The following IL1RAPL1 variants were observed in gnomAD, a reference collection of about 807,000 sequenced individuals.
IL1RAPL1 encodes interleukin 1 receptor accessory protein like 1.
A neutral mutation model predicts 48.4 loss-of-function variants in IL1RAPL1; 3 were observed. The observed-to-expected ratio is 0.06, with a 90% CI of 0.03 to 0.16. The LOEUF (loss-of-function observed/expected upper bound fraction) is 0.16, where lower values mean the gene tolerates loss of function less well. Ranked by LOEUF, IL1RAPL1 falls within the 10% of genes least tolerant of loss-of-function variation. The pLI, the probability that IL1RAPL1 is intolerant of heterozygous loss-of-function variation, is 1.00. For synonymous variants in IL1RAPL1, 185 were observed against 187.7 expected (o/e 0.99, Z 0.12); for missense variants, 349 against 530.6 (o/e 0.66, Z 3.36).
At chrX:29,254,415 G>A (rs1931719060) in intron 2 of IL1RAPL1, among the ~76,000 whole-genome samples, 1 of 110,598 alleles carries the variant, frequency 9.0e-6, no homozygotes, top group Admixed American at 9.8e-5. Flanking sequence ...ATGTATAAAT[G>A]TTTCCGTGTA....
intron 5 of IL1RAPL1, among the ~76,000 whole-genome samples, chrX:29,621,296 A>G (rs1262363491): frequency 9.0e-6 from 1 of 111,524 alleles, no homozygotes; most frequent in Non-Finnish European, 1.9e-5. Flanking sequence ...GTATATATTT[A>G]TATGCATACA....
chrX:29,247,948 T>C lies in IL1RAPL1; in HGVS notation c.83-34990T>C, dbSNP rs370665553. Among the ~76,000 whole-genome samples, 6 of 111,748 alleles carry C rather than the reference T, an allele frequency of 5.4e-5. No individual in the cohort carries two copies. In the East Asian group the frequency reaches 8.4e-4, roughly 16 times the overall value. ...GTGTTTTGGCATTTTAGACATTTAG[T>C]GGAACACACTAGGGTTCTTGACACT... On this transcript the variant is annotated intron_variant, in intron 2 of 10. Coordinates refer to ENST00000378993, the MANE Select transcript of IL1RAPL1 (RefSeq NM_014271.4).
At chrX:28,974,391 A>G (rs902328876) in intron 2 of IL1RAPL1, among the ~76,000 whole-genome samples, 9 of 112,008 alleles carry the variant, frequency 8.0e-5, no homozygotes, top group African/African-American at 2.9e-4. Context: ...CAAATAAAAA[A>G]CTTAAGGAAA....
intron 5 of IL1RAPL1, among the ~76,000 whole-genome samples, chrX:29,514,628 T>TAG (rs931555958): frequency 1.8e-5 from 2 of 112,259 alleles, no homozygotes; most frequent in African/African-American, 3.2e-5. Context: ...TTTGTGTTTT[T>TAG]AGTAGAGACA....
chrX:29,412,557 T>C (rs1934158374), intron 5 of IL1RAPL1, among the ~76,000 whole-genome samples: 1 of 112,693 alleles, frequency 8.9e-6, no homozygotes, highest in East Asian at 2.8e-4. Context: ...TTAAATAAGA[T>C]ATACTACAAA....
At chrX:29,630,774 G>A (rs746914588) in intron 5 of IL1RAPL1, among the ~76,000 whole-genome samples, 8 of 111,831 alleles carry the variant, frequency 7.2e-5, no homozygotes, top group Middle Eastern at 4.2e-3. Flanking sequence ...TCCTGACCTC[G>A]TGATCCGCCC....
At chrX:29,419,756 C>G (rs1006678736) in intron 5 of IL1RAPL1, among the ~76,000 whole-genome samples, 1 of 112,517 alleles carries the variant, frequency 8.9e-6, no homozygotes, top group African/African-American at 3.2e-5. Flanking sequence ...AGCTGTTGCT[C>G]TGTCATGTAA....
At chrX:29,102,808 A>T (rs914923159) in intron 2 of IL1RAPL1, among the ~76,000 whole-genome samples, 4 of 112,184 alleles carry the variant, frequency 3.6e-5, no homozygotes, top group African/African-American at 1.3e-4. Flanking sequence ...ACATACAAAA[A>T]TCGGTAGCAT....
intron 6 of IL1RAPL1, among the ~76,000 whole-genome samples, chrX:29,720,520 G>T (rs771258367): frequency 9.0e-6 from 1 of 110,965 alleles, no homozygotes; most frequent in African/African-American, 3.3e-5. Context: ...CCCAAACACC[G>T]CATGTTCTCA....
At chrX:29,493,466 A>G (rs1297142623) in intron 5 of IL1RAPL1, among the ~76,000 whole-genome samples, 1 of 112,248 alleles carries the variant, frequency 8.9e-6, no homozygotes, top group Non-Finnish European at 1.9e-5. Flanking sequence ...GTTAAGGAAT[A>G]TCTCTTATTT....
At chrX:28,664,319 CTTTCAA>C (rs1464776975) in intron 1 of IL1RAPL1, among the ~76,000 whole-genome samples, 1 of 111,962 alleles carries the variant, frequency 8.9e-6, no homozygotes, top group African/African-American at 3.2e-5. Flanking sequence ...AAGGAAAAGA[CTTTCAA>C]TTTCTATATT....
At chrX:28,809,169 T>C (rs1375313945) in intron 2 of IL1RAPL1, among the ~76,000 whole-genome samples, 1 of 110,199 alleles carries the variant, frequency 9.1e-6, no homozygotes, top group East Asian at 2.9e-4. Flanking sequence ...AAAGTAGATC[T>C]AGTAATTTTA....
At chrX:28,959,793 C>T (rs1265590227) in intron 2 of IL1RAPL1, among the ~76,000 whole-genome samples, 2 of 111,967 alleles carry the variant, frequency 1.8e-5, no homozygotes, top group African/African-American at 3.2e-5. Context: ...ATTTCTGAAT[C>T]ACTGATTTGA....
intron 5 of IL1RAPL1, among the ~76,000 whole-genome samples, chrX:29,580,136 CTTT>C (rs762760607): frequency 0.015 from 1,386 of 93,204 alleles, 21 homozygotes; most frequent in African/African-American, 0.051. Flanking sequence ...CTCAGAAAGT[CTTT>C]TTTTTTTTTT....
At chrX:29,288,715 A>G (rs1346823064) in intron 3 of IL1RAPL1, among the ~76,000 whole-genome samples, 2 of 112,169 alleles carry the variant, frequency 1.8e-5, no homozygotes, top group African/African-American at 6.5e-5. Flanking sequence ...TTCTGTTTCT[A>G]TATCTTTGAG....
At chrX:29,504,171 T>C (rs1403488861) in intron 5 of IL1RAPL1, among the ~76,000 whole-genome samples, 1 of 110,801 alleles carries the variant, frequency 9.0e-6, no homozygotes, top group Non-Finnish European at 1.9e-5. Flanking sequence ...TGATTTCTAG[T>C]TTTATTCCAT....
intron 8 of IL1RAPL1, among the ~76,000 whole-genome samples, chrX:29,920,819 G>A (rs931041107): frequency 7.3e-3 from 435 of 59,927 alleles, no homozygotes; most frequent in Middle Eastern, 0.019. Context: ...AAAAAAAAAA[G>A]AAAAGAAAAG....
chrX:29,471,041 C>G (rs1021408538), intron 5 of IL1RAPL1, among the ~76,000 whole-genome samples: 1 of 111,804 alleles, frequency 8.9e-6, no homozygotes, highest in Non-Finnish European at 1.9e-5. Flanking sequence ...ACAAACCATG[C>G]ACCTGTTCAC....
chrX:29,496,517 A>C (rs1602264003), intron 5 of IL1RAPL1, among the ~76,000 whole-genome samples: 2 of 83,563 alleles, frequency 2.4e-5, no homozygotes, highest in Admixed American at 1.6e-4. Flanking sequence ...CTCCCCCTTC[A>C]CCTTCTGCCA....
Sources: gnomAD v4.1 joint callset for allele counts (sites outside exome capture counted in the v4.1 genomes callset) on GRCh38, gnomAD v4.1.1 for gene constraint, MANE v1.5 for transcripts, NCBI Gene and HGNC (gene_info 2026-07-23, HGNC 2026-07-21) for gene names.